The following ERC1 variants were observed in gnomAD, a reference collection of about 807,000 sequenced individuals.
ERC1 encodes RAB6 interacting protein 2.
In ERC1, 56 loss-of-function variants were observed where a neutral mutation model predicts 132.0. The ratio of observed to expected loss-of-function variants is 0.42; its 90% CI spans 0.34 to 0.53. The LOEUF (loss-of-function observed/expected upper bound fraction) is 0.53, where lower values mean the gene tolerates loss of function less well. ERC1 is among the 20% of genes least tolerant of loss of function. The pLI, the probability that ERC1 is intolerant of heterozygous loss-of-function variation, is 0.03. For synonymous variants in ERC1, 478 were observed against 476.1 expected (o/e 1.00, Z -0.05); for missense variants, 1,202 against 1,349.9 (o/e 0.89, Z 1.72).
chr12:1,073,413 G>A (rs1378292608), intron 2 of ERC1, among the ~76,000 whole-genome samples: 1 of 152,114 alleles, frequency 6.6e-6, no homozygotes, highest in African/African-American at 2.4e-5. Flanking sequence ...CCTGAATCCA[G>A]CACCAAGGTG....
intron 15 of ERC1, among the ~76,000 whole-genome samples, chr12:1,334,484 T>C (rs895758788): frequency 4.6e-5 from 7 of 152,236 alleles, no homozygotes; most frequent in African/African-American, 1.7e-4. Flanking sequence ...ATTTAGTGAA[T>C]AGGGAGTCCT....
At chr12:1,309,976 C>CG (rs772552255) in intron 15 of ERC1, among the ~76,000 whole-genome samples, 60 of 150,326 alleles carry the variant, frequency 4.0e-4, no homozygotes, top group Non-Finnish European at 6.5e-4. Context: ...GAGACAGAGT[C>CG]TCGTGCTGTC....
intron 15 of ERC1, among the ~76,000 whole-genome samples, chr12:1,305,128 C>G (rs1169450003): frequency 6.6e-6 from 1 of 152,156 alleles, no homozygotes; most frequent in Non-Finnish European, 1.5e-5. Flanking sequence ...TCTTTGGTAG[C>G]TGTGCTTCTG....
chr12:1,406,089 C>G (rs1171482297), intron 16 of ERC1, among the ~76,000 whole-genome samples: 1 of 152,012 alleles, frequency 6.6e-6, no homozygotes, highest in Non-Finnish European at 1.5e-5. Flanking sequence ...CGCCAGACAC[C>G]TTTTTAAGTG....
chr12:1,408,309 G>A (rs990909347), intron 17 of ERC1, 62 bp downstream of exon 17: 6 of 1,191,838 alleles, frequency 5.0e-6, no homozygotes, highest in East Asian at 2.4e-5. Context: ...AAATGTTTTT[G>A]TACTAGCATG....
chr12:1,191,143 C>A (rs1004112606), intron 12 of ERC1, among the ~76,000 whole-genome samples: 1 of 152,064 alleles, frequency 6.6e-6, no homozygotes, highest in Non-Finnish European at 1.5e-5. Flanking sequence ...CTTATTTCCT[C>A]TTATTTTGGT....
At chr12:1,421,635 A>G (rs145013923) in intron 17 of ERC1, among the ~76,000 whole-genome samples, 14 of 152,276 alleles carry the variant, frequency 9.2e-5, no homozygotes, top group African/African-American at 2.9e-4. Context: ...TACAACAGTG[A>G]TGTTATCTAT....
intron 1 of ERC1, among the ~76,000 whole-genome samples, chr12:1,016,587 T>A (rs1279420832): frequency 6.6e-6 from 1 of 152,122 alleles, no homozygotes; most frequent in Admixed American, 6.5e-5. Context: ...TGGGGCTGTT[T>A]TTCTCTCACA....
rs533227107 is a variant in ERC1, at chr12:1,251,692, C to T, written c.2488-11342C>T. Among the ~76,000 whole-genome samples the T allele has an allele frequency of 6.0e-4, 91 of 152,228 alleles. 1 individual carries two copies. Among genetic ancestry groups the T allele is most frequent in the African/African-American group, 2.1e-3 (87 of 41,570 alleles). ...AAAGCAAAAACACGGCTTAACATTA[C>T]TTTTTAAAATTCTGCAGTGTTTGAA... On this transcript the variant is annotated intron_variant, in intron 13 of 18. Transcript: ENST00000360905.
chr12:1,470,531 A>G (rs1170449503), intron 18 of ERC1, among the ~76,000 whole-genome samples: 2 of 151,738 alleles, frequency 1.3e-5, no homozygotes, highest in African/African-American at 4.8e-5. Flanking sequence ...CGGACTAGCT[A>G]ACCTGGCTGT....
At chr12:1,408,804 G>A (rs1380894161) in intron 17 of ERC1, among the ~76,000 whole-genome samples, 1 of 152,150 alleles carries the variant, frequency 6.6e-6, no homozygotes, top group Non-Finnish European at 1.5e-5. Context: ...CAATGCAAAA[G>A]AGATATTGAT....
rs549480056 is a variant in ERC1, at chr12:1,451,754, G to A, written c.3213+7004G>A. 7.9e-5 allele frequency among the ~76,000 whole-genome samples: 12 copies of A among 152,154 alleles called. 1 individual carries two copies. The South Asian group carries it at 1.7e-3, about 21-fold the overall frequency. On this transcript the variant is annotated intron_variant, in intron 18 of 18. Transcript: ENST00000360905. ...AGGGAGTGTATTTTTATCAACTTCC[G>A]TTATGGCCAGAATTGTGTCCCCCCT...
chr12:1,216,652 T>C (rs965133949), intron 12 of ERC1, among the ~76,000 whole-genome samples: 7 of 145,034 alleles, frequency 4.8e-5, no homozygotes, highest in South Asian at 2.2e-4. Context: ...TGGAATGATA[T>C]GTACAAAAAC....
In ERC1 at chr12:1,490,221, G is replaced by A; in HGVS notation, c.3342G>A (p.Glu1114=). The A allele has an allele frequency of 6.2e-7, 1 of 1,614,058 alleles. No homozygotes were observed. The highest frequency in any genetic ancestry group is 1.1e-5 in the South Asian group (1 of 91,068). ...AGCAAGTGGTCAACGCCCTGGAAGA[G>A]TCCTCTTGACCCTGCTTTATGGGGA... ...ILEQVVNALE[E]SS The change falls in exon 19 of 19, where the codon GAG becomes GAA. Residue 1114 remains glutamate, a synonymous_variant. Coordinates refer to ENST00000360905, the MANE Select transcript of ERC1 (RefSeq NM_178040.4).
At chr12:1,018,004 C>T (rs1248139187) in intron 1 of ERC1, among the ~76,000 whole-genome samples, 1 of 152,082 alleles carries the variant, frequency 6.6e-6, no homozygotes, top group African/African-American at 2.4e-5. Context: ...AGATGAGAGG[C>T]ATTAGTCTGT....
At chr12:1,479,990 T>TGA (rs2094054867) in intron 18 of ERC1, among the ~76,000 whole-genome samples, 1 of 152,196 alleles carries the variant, frequency 6.6e-6, no homozygotes, top group Admixed American at 6.5e-5. Flanking sequence ...TAACAAAGCA[T>TGA]GTTCCATTTT....
intron 16 of ERC1, among the ~76,000 whole-genome samples, chr12:1,389,938 G>A (rs1317049608): frequency 6.6e-6 from 1 of 152,120 alleles, no homozygotes; most frequent in African/African-American, 2.4e-5. Context: ...CCTTGAGTAG[G>A]TTAATCTCTC....
chr12:1,007,538 CTCTGTG>C (rs1297614956), intron 1 of ERC1, among the ~76,000 whole-genome samples: 1 of 53,308 alleles, frequency 1.9e-5, no homozygotes, highest in African/African-American at 7.5e-5. Context: ...CTCTCTCTCT[CTCTGTG>C]TGTGTGTGTG....
intron 16 of ERC1, among the ~76,000 whole-genome samples, chr12:1,388,242 G>A (rs553338372): frequency 1.3e-3 from 198 of 151,628 alleles, no homozygotes; most frequent in Non-Finnish European, 1.4e-3. Flanking sequence ...CCAGCTACTC[G>A]GAGAGGCTGA....
Sources: allele counts gnomAD v4.1 joint callset (sites outside exome capture counted in the v4.1 genomes callset), GRCh38; gene constraint gnomAD v4.1.1; transcripts MANE v1.5; gene names NCBI Gene and HGNC (gene_info 2026-07-23, HGNC 2026-07-21).